ARSG: variants seen among roughly 807,000 people sequenced by gnomAD.
ARSG encodes the protein arylsulfatase G.
A neutral mutation model predicts 50.5 loss-of-function variants in ARSG; 37 were observed. The observed-to-expected ratio is 0.73, with a 90% CI of 0.56 to 0.96. ARSG has a LOEUF of 0.96. ARSG is among the 50% of genes least tolerant of loss of function. ARSG has a pLI of 0.00. For synonymous variants in ARSG, 225 were observed against 254.6 expected, an observed-to-expected ratio of 0.88 and a Z score of 1.11; for missense variants, 629 against 675.3, an observed-to-expected ratio of 0.93 and a Z score of 0.76.
the ARSG span, chr17:68,436,526 G>C: frequency 6.4e-7 from 1 of 1,570,792 alleles, no homozygotes; most frequent in Non-Finnish European, 8.8e-7. Context: ...CCAAGGGAGA[G>C]ATTGCACGGC....
intron 1 of ARSG, chr17:68,267,407 C>G (rs550816266): frequency 4.6e-5 from 7 of 152,270 alleles, no homozygotes; most frequent in East Asian, 1.9e-4. Context: ...TCCTCCCCCA[C>G]CCTCCCCAAA....
chr17:68,399,881 C>T lies in ARSG; in HGVS notation c.1213-1479C>T, dbSNP rs533540315. On this transcript the variant is annotated intron_variant, in intron 10 of 11. Transcript: ENST00000621439. This position sits in a 1 kb window ranked among gnomAD's most constrained non-coding sequence, Gnocchi z 4.6. ...TGTCTCAAGAAGGAAACAAAACAGT[C>T]TCCTGTGGTGAAGAGGCTTGGCTTT... is the stretch of plus-strand genomic sequence containing the variant. Among the ~76,000 whole-genome samples the T allele has an allele frequency of 6.6e-6, 1 of 152,354 alleles. No homozygotes were observed. The highest frequency in any genetic ancestry group is 2.4e-5 in the African/African-American group (1 of 41,584).
At chr17:68,389,194 G>A (rs1568562810) in intron 9 of ARSG, among the ~76,000 whole-genome samples, 1 of 152,160 alleles carries the variant, frequency 6.6e-6, no homozygotes, top group African/African-American at 2.4e-5. Context: ...CCTGGATCTG[G>A]CAGTGGGTAG....
chr17:68,282,779 T>TAAGAAAAAAAAAAAAA (rs2075734145), intron 1 of ARSG, among the ~76,000 whole-genome samples: 1 of 53,398 alleles, frequency 1.9e-5, no homozygotes, highest in East Asian at 5.2e-4. Context: ...CCATCTCTAC[T>TAAGAAAAAAAAAAAAA]AAAAAAAAAA....
chr17:68,272,794 A>G lies in ARSG; in HGVS notation c.-552+13368A>G, dbSNP rs782775052. Reference sequence around the variant, plus strand: ...TGTGAAAGAAAAGTCAAAAAAGCCAATGAGACCCACATACTGCTTGAGACT... The same window carrying G: ...TGTGAAAGAAAAGTCAAAAAAGCCAGTGAGACCCACATACTGCTTGAGACT... On this transcript the variant is annotated intron_variant, in intron 1 of 11. Coordinates refer to the ARSG transcript ENST00000448504. The G allele has an allele frequency of 2.5e-5, 40 of 1,612,450 alleles. No homozygotes were observed. The South Asian group carries it at 2.6e-4, about 11-fold the overall frequency.
intron 1 of ARSG, chr17:68,272,906 G>GA: frequency 9.9e-7 from 1 of 1,009,796 alleles, no homozygotes; most frequent in Non-Finnish European, 1.4e-6. Flanking sequence ...TCTGGACAAA[G>GA]GTGATGTTGC....
chr17:68,376,301 G>A (rs2080149320), intron 8 of ARSG, among the ~76,000 whole-genome samples: 1 of 133,420 alleles, frequency 7.5e-6, no homozygotes, highest in Admixed American at 7.6e-5. Flanking sequence ...TTCTGAGATA[G>A]GGTCTTGCTC....
intron 9 of ARSG, among the ~76,000 whole-genome samples, chr17:68,394,699 G>A (rs1405292107): frequency 6.6e-6 from 1 of 152,140 alleles, no homozygotes; most frequent in African/African-American, 2.4e-5. Flanking sequence ...AAGGTTCCAG[G>A]CATTCACTGA....
At chr17:68,288,997 T>A (rs1390309750), upstream of ARSG, among the ~76,000 whole-genome samples, 1 of 152,118 alleles carries the variant, frequency 6.6e-6, no homozygotes, top group African/African-American at 2.4e-5. Context: ...AATGACACAA[T>A]CCACGGGCAG....
chr17:68,274,864 T>C (rs2075461070), intron 1 of ARSG, among the ~76,000 whole-genome samples: 1 of 151,484 alleles, frequency 6.6e-6, no homozygotes, highest in African/African-American at 2.4e-5. Context: ...CACTGCAACC[T>C]CCACCTCCTG....
intron 2 of ARSG, among the ~76,000 whole-genome samples, chr17:68,315,173 T>C (rs1483402858): frequency 1.3e-5 from 2 of 152,204 alleles, no homozygotes; most frequent in Non-Finnish European, 2.9e-5. Context: ...AGCCTTATTC[T>C]TTCAGGGCTG....
intron 2 of ARSG, among the ~76,000 whole-genome samples, chr17:68,324,188 C>T (rs187545606): frequency 2.4e-4 from 36 of 152,176 alleles, no homozygotes; most frequent in Middle Eastern, 3.4e-3. Flanking sequence ...GAAGTCCACA[C>T]TCACTAAGGC....
chr17:68,262,408 T>G (rs147235303), intron 1 of ARSG, among the ~76,000 whole-genome samples: 8,166 of 151,906 alleles, frequency 0.054, 705 homozygotes, highest in African/African-American at 0.19. Context: ...GAGGCGGAGG[T>G]TGCAGTGAGC....
the ARSG span, among the ~76,000 whole-genome samples, chr17:68,439,343 G>C: frequency 6.6e-6 from 1 of 152,166 alleles, no homozygotes. Context: ...AAGAACCTTG[G>C]AAACATTAGG....
chr17:68,433,479 C>T, the ARSG span: 3 of 1,613,946 alleles, frequency 1.9e-6, no homozygotes, highest in Non-Finnish European at 2.5e-6. Flanking sequence ...TGTTGGTGAC[C>T]TGTTCCAGCT....
At chr17:68,320,870 G>A (rs2077256171) in intron 2 of ARSG, among the ~76,000 whole-genome samples, 2 of 152,312 alleles carry the variant, frequency 1.3e-5, no homozygotes, top group South Asian at 2.1e-4. Flanking sequence ...AGATGCCTAT[G>A]TGTATGTCGC....
rs781789964 is a variant in ARSG at position 68,271,319 on chromosome 17, C to G, written c.-552+11893C>G. ...AAAATGGAGAAGTCTAATAGCGGGG[C>G]TTTCTTTTCGCTTGGCCTGGGGCTG... is the stretch of plus-strand genomic sequence containing the variant. On this transcript the variant is annotated intron_variant, in intron 1 of 11. Coordinates refer to the ARSG transcript ENST00000448504. This position sits in a 1 kb window ranked among gnomAD's most constrained non-coding sequence, Gnocchi z 5.3. The G allele has an allele frequency of 6.2e-7, 1 of 1,614,234 alleles. No individual in the cohort carries two copies. Among genetic ancestry groups the G allele is most frequent in the East Asian group, 2.2e-5 (1 of 44,888 alleles).
chr17:68,344,943 C>G (rs1401470603), intron 3 of ARSG, among the ~76,000 whole-genome samples: 2 of 152,196 alleles, frequency 1.3e-5, no homozygotes, highest in Non-Finnish European at 2.9e-5. Context: ...GGTTAAAGAG[C>G]CTGATATCCT....
intron 2 of ARSG, among the ~76,000 whole-genome samples, chr17:68,342,806 A>C (rs1463841802): frequency 6.6e-6 from 1 of 152,220 alleles, no homozygotes; most frequent in East Asian, 1.9e-4. Context: ...CATGGCTCTA[A>C]ATACACTGTG....
Sources: gnomAD v4.1 joint callset for allele counts (sites outside exome capture counted in the v4.1 genomes callset) on GRCh38, gnomAD v4.1.1 for gene constraint, Gnocchi (gnomAD v3.1) non-coding constraint, MANE v1.5 for transcripts, NCBI Gene and HGNC (gene_info 2026-07-23, HGNC 2026-07-21) for gene names.